Variants in ANO4 observed in about 807,000 individuals in gnomAD.
ANO4 encodes the protein anoctamin-4.
ANO4 carries 69 observed loss-of-function variants against 141.9 expected under a neutral mutation model. That is an observed-to-expected ratio of 0.49 (90% CI 0.40 to 0.59). ANO4 has a LOEUF of 0.59. Among genes scored for constraint, ANO4 ranks in the 20% least tolerant of loss-of-function variants. The pLI, the probability that ANO4 is intolerant of heterozygous loss-of-function variation, is 0.00. For missense variants in ANO4, 894 were observed against 1,162.2 expected, an observed-to-expected ratio of 0.77 and a Z score of 3.36; for synonymous variants, 350 against 394.3, an observed-to-expected ratio of 0.89 and a Z score of 1.33.
rs986610706 is a variant in ANO4, at chr12:101,111,728, C to A, written c.2450+18C>A. The A allele has an allele frequency of 2.9e-5, 46 of 1,574,458 alleles. No homozygotes were observed. The highest frequency in any genetic ancestry group is 3.9e-5 in the Non-Finnish European group (45 of 1,161,814). ...GGGCAAAAGTAAGTTTGCTATAAAACCACTATACAGTTTCTATTTCCTAGC... is the reference window on the plus strand; with the variant it reads ...GGGCAAAAGTAAGTTTGCTATAAAAACACTATACAGTTTCTATTTCCTAGC... On this transcript the variant is annotated intron_variant, in intron 24 of 27. Coordinates refer to ENST00000392977, the MANE Select transcript of ANO4 (RefSeq NM_001286615.2).
chr12:100,843,987 CTTCA>C lies in ANO4; in HGVS notation c.-141+48989_-141+48992del, dbSNP rs371132889. 4.9e-3 allele frequency among the ~76,000 whole-genome samples: 742 copies of C among 151,960 alleles called. 6 individuals carry two copies. Among genetic ancestry groups the C allele is most frequent in the African/African-American group, 0.014 (571 of 41,478 alleles). Reference sequence around the variant, plus strand: ...ACGATGCATGTCAAAGATGGCTGTGCTTCATTCATTCATTCATTCATTCATTCAT... The same window carrying C: ...ACGATGCATGTCAAAGATGGCTGTGCTTCATTCATTCATTCATTCATTCAT... On this transcript the variant is annotated intron_variant, in intron 1 of 27. Coordinates refer to ENST00000392977, the MANE Select transcript of ANO4 (RefSeq NM_001286615.2).
intron 3 of ANO4, among the ~76,000 whole-genome samples, chr12:100,924,485 A>T (rs2041779275): frequency 6.6e-6 from 1 of 152,140 alleles, no homozygotes; most frequent in Non-Finnish European, 1.5e-5. Flanking sequence ...GAGGTGAAGG[A>T]TCCTGAAACT....
intron 14 of ANO4, among the ~76,000 whole-genome samples, chr12:101,062,011 C>T (rs1436665968): frequency 2.0e-5 from 3 of 152,082 alleles, no homozygotes; most frequent in African/African-American, 4.8e-5. Flanking sequence ...TCCTCATCTT[C>T]GTGGATTTAT....
chr12:100,991,513 T>TA (rs59975425), intron 8 of ANO4, among the ~76,000 whole-genome samples: 72,631 of 111,016 alleles, frequency 0.65, 23,623 homozygotes, highest in Middle Eastern at 0.75. Flanking sequence ...ATGAAAATAG[T>TA]AAAAAAAAAA....
At chr12:100,910,233 T>C (rs1373591619) in intron 2 of ANO4, among the ~76,000 whole-genome samples, 2 of 152,130 alleles carry the variant, frequency 1.3e-5, no homozygotes. Flanking sequence ...AAAGAAATCA[T>C]TTTTCTTGTC....
intron 6 of ANO4, among the ~76,000 whole-genome samples, chr12:100,972,129 A>C (rs1249729678): frequency 6.6e-6 from 1 of 152,232 alleles, no homozygotes; most frequent in Admixed American, 6.5e-5. Context: ...GAATCTGCTA[A>C]AAAGATGGAT....
At position 101,064,950 on chromosome 12, in the gene ANO4, G is replaced by A. The variant is rs547255784; in HGVS notation, c.1313-14243G>A. 1.2e-3 allele frequency among the ~76,000 whole-genome samples: 181 copies of A among 152,122 alleles called. 1 individual carries two copies. The highest frequency in any genetic ancestry group is 3.2e-3 in the African/African-American group (131 of 41,498). On this transcript the variant is annotated intron_variant, in intron 14 of 27. Coordinates refer to ENST00000392977, the MANE Select transcript of ANO4 (RefSeq NM_001286615.2). ...CCTGCCCATTAGTCATTTCGTAGCC[G>A]TCTTGGTTATCAGATACTGCCACTG...
intron 3 of ANO4, among the ~76,000 whole-genome samples, chr12:100,926,543 A>G (rs1354730819): frequency 1.3e-5 from 2 of 152,110 alleles, no homozygotes; most frequent in African/African-American, 2.4e-5. Context: ...CAACAGGAAA[A>G]CAACTTGATT....
At chr12:100,717,322 G>T (rs1322131127), upstream of ANO4, among the ~76,000 whole-genome samples, 1 of 151,362 alleles carries the variant, frequency 6.6e-6, no homozygotes, top group Non-Finnish European at 1.5e-5. Flanking sequence ...CCGCTCTCGC[G>T]GCGCAGCCCG....
At chr12:101,071,841 A>G (rs1303752512) in intron 14 of ANO4, among the ~76,000 whole-genome samples, 2 of 152,154 alleles carry the variant, frequency 1.3e-5, no homozygotes, top group Admixed American at 1.3e-4. Flanking sequence ...ACCCACAAAA[A>G]TTAAAAATAA....
chr12:100,726,733 C>G (rs1256234673), intron 1 of ANO4, among the ~76,000 whole-genome samples: 1 of 152,100 alleles, frequency 6.6e-6, no homozygotes, highest in African/African-American at 2.4e-5. Flanking sequence ...ATGACTTATG[C>G]ATGTGAACTG....
intron 1 of ANO4, among the ~76,000 whole-genome samples, chr12:100,731,677 A>G (rs1187936660): frequency 6.6e-6 from 1 of 152,214 alleles, no homozygotes; most frequent in East Asian, 1.9e-4. Flanking sequence ...GACCCCTGGC[A>G]ACCACTAATC....
chr12:100,921,359 T>C (rs1331541864), intron 2 of ANO4, among the ~76,000 whole-genome samples: 1 of 152,162 alleles, frequency 6.6e-6, no homozygotes, highest in Non-Finnish European at 1.5e-5. Flanking sequence ...AGGCTGAGTA[T>C]ACCTCCTAAG....
At chr12:100,975,294 C>T (rs2044118988) in intron 7 of ANO4, among the ~76,000 whole-genome samples, 1 of 151,902 alleles carries the variant, frequency 6.6e-6, no homozygotes, top group Non-Finnish European at 1.5e-5. Context: ...ACCCAATGTG[C>T]AGGCTTTCAT....
At chr12:100,963,887 G>A (rs542044723) in intron 5 of ANO4, among the ~76,000 whole-genome samples, 156 of 152,286 alleles carry the variant, frequency 1.0e-3, no homozygotes, top group African/African-American at 3.5e-3. Context: ...GTGAGTGGAA[G>A]AAAGAAATTC....
At chr12:101,025,241 A>G (rs907656762) in intron 9 of ANO4, among the ~76,000 whole-genome samples, 15 of 152,356 alleles carry the variant, frequency 9.8e-5, no homozygotes, top group African/African-American at 3.4e-4. Context: ...AACCCAAAAC[A>G]AGGATCTCTG....
intron 1 of ANO4, among the ~76,000 whole-genome samples, chr12:100,886,144 A>T (rs1169563378): frequency 6.6e-6 from 1 of 152,110 alleles, no homozygotes; most frequent in Non-Finnish European, 1.5e-5. Context: ...GGCTTCTATG[A>T]CCGTTACCCT....
At chr12:100,743,115 G>A (rs2031945726) in intron 3 of ANO4, among the ~76,000 whole-genome samples, 1 of 151,516 alleles carries the variant, frequency 6.6e-6, no homozygotes, top group South Asian at 2.1e-4. Context: ...TATCTCAGGA[G>A]CTCAGAGTCT....
rs559903877 is a variant in ANO4 at position 101,028,203 on chromosome 12, A to G, written c.841+8063A>G. Among the ~76,000 whole-genome samples, 24 of 152,346 alleles carry G rather than the reference A, an allele frequency of 1.6e-4. No homozygotes were observed. The East Asian group carries it at 2.3e-3, about 15-fold the overall frequency. ...CAGCTGCCTCAAAGATCGAAACTAG[A>G]CAAACTCACAAAGATGAGAAAGAAT... On this transcript the variant is annotated intron_variant, in intron 9 of 27. Transcript: ENST00000392977.
Sources: gnomAD v4.1 joint callset for allele counts (sites outside exome capture counted in the v4.1 genomes callset) on GRCh38, gnomAD v4.1.1 for gene constraint, MANE v1.5 for transcripts, NCBI Gene and HGNC (gene_info 2026-07-23, HGNC 2026-07-21) for gene names.